NPR3: variants seen among roughly 807,000 people sequenced by gnomAD.
The protein encoded by NPR3 is natriuretic peptide receptor 3.
NPR3 carries 34 observed loss-of-function variants against 54.5 expected under a neutral mutation model. That is an observed-to-expected ratio of 0.62 (90% CI 0.47 to 0.83). NPR3 has a LOEUF of 0.83. Ranked by LOEUF, NPR3 falls within the 40% of genes least tolerant of loss-of-function variation. NPR3 has a pLI of 0.00. For synonymous variants in NPR3, 289 were observed against 297.1 expected, an observed-to-expected ratio of 0.97 and a Z score of 0.28; for missense variants, 674 against 720.8, an observed-to-expected ratio of 0.94 and a Z score of 0.74.
chr5:32,707,890 T>C (rs899963026), upstream of NPR3, among the ~76,000 whole-genome samples: 1 of 150,808 alleles, frequency 6.6e-6, no homozygotes, highest in African/African-American at 2.4e-5. Flanking sequence ...AGAAATAACA[T>C]ATAGACAGTA....
chr5:32,769,990 A>G (rs1205834659), intron 3 of NPR3, among the ~76,000 whole-genome samples: 1 of 152,248 alleles, frequency 6.6e-6, no homozygotes, highest in Non-Finnish European at 1.5e-5. Flanking sequence ...AGCAGCAACA[A>G]CAGGATTTCT....
chr5:32,780,387 C>G (rs537486718), intron 4 of NPR3, among the ~76,000 whole-genome samples: 14 of 152,316 alleles, frequency 9.2e-5, no homozygotes, highest in Non-Finnish European at 1.8e-4. Flanking sequence ...CCACTTCTAA[C>G]TCTGCGATTA....
chr5:32,744,394 A>T (rs1320400407), intron 3 of NPR3, among the ~76,000 whole-genome samples: 5 of 152,152 alleles, frequency 3.3e-5, no homozygotes, highest in Admixed American at 3.3e-4. Flanking sequence ...GCCTCTTACA[A>T]TTCTTATCTT....
At chr5:32,704,436 G>A (rs1056108253), upstream of NPR3, among the ~76,000 whole-genome samples, 20 of 151,610 alleles carry the variant, frequency 1.3e-4, no homozygotes, top group Non-Finnish European at 2.4e-4. Flanking sequence ...CTGTGGGGAC[G>A]ACAACTGGTG....
chr5:32,692,239 A>G (rs923656323), intron 1 of NPR3, among the ~76,000 whole-genome samples: 1 of 152,244 alleles, frequency 6.6e-6, no homozygotes, highest in Non-Finnish European at 1.5e-5. Context: ...GTGTACACTT[A>G]TATATACTTA....
At chr5:32,778,194 A>G (rs1231012552) in intron 4 of NPR3, among the ~76,000 whole-genome samples, 1 of 152,236 alleles carries the variant, frequency 6.6e-6, no homozygotes, top group Non-Finnish European at 1.5e-5. Context: ...ATATGAAATG[A>G]GTCCTGAAAC....
rs190342939 is a variant in NPR3, at chr5:32,747,462, A to C, written c.1059+8432A>C. Among the ~76,000 whole-genome samples, 20 of 152,288 alleles carry C rather than the reference A, an allele frequency of 1.3e-4. No individual in the cohort carries two copies. In the East Asian group the frequency reaches 3.9e-3, roughly 29 times the overall value. ...GAACCATATAGTATTCTACAATTAC[A>C]TATCCTTTCCAGTATAGCTTTTTGT... On this transcript the variant is annotated intron_variant, in intron 3 of 7. Transcript: ENST00000265074.
At chr5:32,693,388 T>C (rs1740448712) in intron 1 of NPR3, among the ~76,000 whole-genome samples, 1 of 152,186 alleles carries the variant, frequency 6.6e-6, no homozygotes, top group African/African-American at 2.4e-5. Context: ...TAAAATAAAA[T>C]TTTAAGTGAT....
chr5:32,742,001 G>A (rs1408528802), intron 3 of NPR3, among the ~76,000 whole-genome samples: 1 of 151,556 alleles, frequency 6.6e-6, no homozygotes, highest in Non-Finnish European at 1.5e-5. Flanking sequence ...GCCAGCACCT[G>A]GTGTGGCTGG....
At chr5:32,759,830 G>T (rs188651330) in intron 3 of NPR3, among the ~76,000 whole-genome samples, 403 of 152,244 alleles carry the variant, frequency 2.6e-3, no homozygotes, top group African/African-American at 9.4e-3. Flanking sequence ...GCATTTGCTT[G>T]TCTGTAAAGT....
At chr5:32,775,293 CAT>C (rs1491493222) in intron 4 of NPR3, among the ~76,000 whole-genome samples, 4 of 107,292 alleles carry the variant, frequency 3.7e-5, no homozygotes, top group African/African-American at 1.3e-4. Flanking sequence ...GAGGCCTCTG[CAT>C]TTTTTTTTTT....
intron 1 of NPR3, among the ~76,000 whole-genome samples, chr5:32,695,018 T>C (rs1277630622): frequency 1.3e-5 from 2 of 152,234 alleles, no homozygotes; most frequent in African/African-American, 4.8e-5. Context: ...CCATCCATGT[T>C]GTTGCACATG....
chr5:32,763,239 G>T (rs1043089673), intron 3 of NPR3, among the ~76,000 whole-genome samples: 1 of 152,112 alleles, frequency 6.6e-6, no homozygotes, highest in Non-Finnish European at 1.5e-5. Context: ...CTGTAGCCTT[G>T]TAGTATAGTT....
chr5:32,733,950 T>C (rs949119755), intron 2 of NPR3, among the ~76,000 whole-genome samples: 1 of 152,234 alleles, frequency 6.6e-6, no homozygotes, highest in African/African-American at 2.4e-5. Context: ...TATCATTTAT[T>C]AGCTAAACGA....
At chr5:32,780,547 G>A (rs1007975287) in intron 4 of NPR3, among the ~76,000 whole-genome samples, 175 bp from the exon 5 acceptor site, 36 of 152,064 alleles carry the variant, frequency 2.4e-4, no homozygotes, top group Admixed American at 1.6e-3. Flanking sequence ...GAATGCAGAC[G>A]CAGATGAAAT....
chr5:32,780,143 C>T (rs1409210665), intron 4 of NPR3, among the ~76,000 whole-genome samples: 1 of 152,164 alleles, frequency 6.6e-6, no homozygotes, highest in Non-Finnish European at 1.5e-5. Flanking sequence ...TACTAAGCGT[C>T]CAGAGAATGT....
Position 32,786,513 on chromosome 5 carries a change from C to A in NPR3, c.*168C>A. On this transcript the variant is annotated 3_prime_UTR_variant, in exon 8 of 8. Transcript: ENST00000265074. Reference sequence around the variant, plus strand: ...GAAGCTCAGGAATTATGATTAATCACCATCTGCCTCCAGGCCTTTCATCTC... The same window carrying A: ...GAAGCTCAGGAATTATGATTAATCAACATCTGCCTCCAGGCCTTTCATCTC... The A allele has an allele frequency of 1.6e-6, 1 of 615,646 alleles. No individual in the cohort carries two copies. Among genetic ancestry groups the A allele is most frequent in the South Asian group, 2.1e-5 (1 of 48,568 alleles). 38.1% of individuals were successfully genotyped at this position (615,646 alleles called of 1,614,324 possible).
In NPR3 at chr5:32,713,654, C is replaced by T. The variant is rs185029970; in HGVS notation, c.769+1109C>T. On this transcript the variant is annotated intron_variant, in intron 1 of 7. Coordinates refer to ENST00000265074, the MANE Select transcript of NPR3 (RefSeq NM_001204375.2). ...CGAAGGGGAGCGGAGTTGAGCCAGG[C>T]GCCGGGCTAGTCCACAACTTGGCAT... is the stretch of plus-strand genomic sequence containing the variant. 1.8e-4 allele frequency among the ~76,000 whole-genome samples: 27 copies of T among 152,326 alleles called. No homozygotes were observed. The East Asian group carries it at 4.2e-3, about 24-fold the overall frequency.
intron 1 of NPR3, among the ~76,000 whole-genome samples, chr5:32,703,588 G>A (rs1405377631): frequency 1.3e-5 from 2 of 152,094 alleles, no homozygotes; most frequent in African/African-American, 4.8e-5. Flanking sequence ...TGCCAGGACT[G>A]GGTCCTTCCC....
Sources: allele counts gnomAD v4.1 joint callset (sites outside exome capture counted in the v4.1 genomes callset), GRCh38; gene constraint gnomAD v4.1.1; transcripts MANE v1.5; gene names NCBI Gene and HGNC (gene_info 2026-07-23, HGNC 2026-07-21).